Variants in TRAPPC11 observed in about 807,000 individuals in gnomAD.
TRAPPC11 encodes foie gras homolog.
In TRAPPC11, 104 loss-of-function variants were observed where a neutral mutation model predicts 151.2. The ratio of observed to expected loss-of-function variants is 0.69; its 90% CI spans 0.59 to 0.81. The LOEUF is 0.81. TRAPPC11 is among the 30% of genes least tolerant of loss of function. The pLI, the probability that TRAPPC11 is intolerant of heterozygous loss-of-function variation, is 0.00. For synonymous variants in TRAPPC11, 456 were observed against 472.3 expected (o/e 0.97, Z 0.45); for missense variants, 1,230 against 1,349.6 (o/e 0.91, Z 1.39).
chr4:183,692,904 G>C, intron 19 of TRAPPC11, 56 bp from the exon 20 acceptor site: 1 of 1,494,052 alleles, frequency 6.7e-7, no homozygotes, highest in Non-Finnish European at 9.1e-7. Flanking sequence ...GGTGAGAGGA[G>C]ATGGTGACAA....
intron 29 of TRAPPC11, among the ~76,000 whole-genome samples, chr4:183,711,898 C>G (rs974370799): frequency 3.9e-5 from 6 of 152,172 alleles, no homozygotes; most frequent in Admixed American, 2.6e-4. Flanking sequence ...CTAGCTATCC[C>G]TCTGGGATGT....
intron 15 of TRAPPC11, 42 bp from the exon 16 acceptor site, chr4:183,685,042 T>C (rs747884500): frequency 1.5e-5 from 23 of 1,579,432 alleles, no homozygotes; most frequent in Admixed American, 3.5e-5. Flanking sequence ...GTAGACTTAA[T>C]TATAAGTACT....
chr4:183,706,493 A>G (rs1737078108), intron 27 of TRAPPC11, among the ~76,000 whole-genome samples: 2 of 151,836 alleles, frequency 1.3e-5, no homozygotes, highest in South Asian at 4.2e-4. Context: ...ACTGCACTCC[A>G]GCCTGGGTGA....
At chr4:183,698,268 G>T (rs1172127367) in intron 25 of TRAPPC11, among the ~76,000 whole-genome samples, 2 of 152,098 alleles carry the variant, frequency 1.3e-5, no homozygotes, top group African/African-American at 4.8e-5. Context: ...AAAACAATTT[G>T]TAAGACTGAT....
chr4:183,677,946 T>C (rs1735493491), intron 8 of TRAPPC11, among the ~76,000 whole-genome samples: 2 of 151,826 alleles, frequency 1.3e-5, no homozygotes, highest in African/African-American at 4.8e-5. Flanking sequence ...GAAACTTTTT[T>C]TTTTTTTTTT....
chr4:183,665,386 G>T (rs934731283), intron 2 of TRAPPC11, among the ~76,000 whole-genome samples: 1 of 152,146 alleles, frequency 6.6e-6, no homozygotes, highest in African/African-American at 2.4e-5. Flanking sequence ...GAGCCACCGT[G>T]CCAGGCCTAC....
rs78032972 is a variant in TRAPPC11 at position 183,703,980 on chromosome 4, A to G, written c.2964-999A>G. On this transcript the variant is annotated intron_variant, in intron 26 of 29. Transcript: ENST00000334690. ...AAAGTGGTCTGGGGCCCACCTGTAA[A>G]CCATCCTCAGTGAGTTAAGGAATTT... Among the ~76,000 whole-genome samples, 24 of 152,284 alleles carry G rather than the reference A, an allele frequency of 1.6e-4. 1 individual carries two copies. In the East Asian group the frequency reaches 3.9e-3, roughly 24 times the overall value.
At chr4:183,686,295 C>T (rs1386784897) in intron 17 of TRAPPC11, among the ~76,000 whole-genome samples, 2 of 152,074 alleles carry the variant, frequency 1.3e-5, no homozygotes, top group Non-Finnish European at 2.9e-5. Flanking sequence ...CACCACCATG[C>T]CCGGCTAATT....
rs1263135209 is a variant in TRAPPC11 at position 183,708,405 on chromosome 4, A to G, written c.3190-2A>G. On this transcript the variant is annotated splice_acceptor_variant, in intron 28 of 29. Transcript: ENST00000334690. LOFTEE classifies it high-confidence loss of function. Reference sequence around the variant, plus strand: ...CTTTCTCTGTGACTTTTTATGATGCAGATTCGATTACGTATCCTCCCTGGC... The same window carrying G: ...CTTTCTCTGTGACTTTTTATGATGCGGATTCGATTACGTATCCTCCCTGGC... The G allele has an allele frequency of 6.2e-7, 1 of 1,611,156 alleles. No homozygotes were observed. The highest frequency in any genetic ancestry group is 2.2e-5 in the East Asian group (1 of 44,834).
At chr4:183,697,407 G>C in intron 23 of TRAPPC11, 96 bp from the exon 24 acceptor site, 1 of 1,116,370 alleles carries the variant, frequency 9.0e-7, no homozygotes, top group Non-Finnish European at 1.3e-6. Context: ...GTATAATTTG[G>C]GATTATTTAT....
In TRAPPC11 at chr4:183,701,565, C is replaced by A. The variant is rs1445917568; in HGVS notation, c.2852-132C>A. 9.5e-6 allele frequency: 6 copies of A among 629,416 alleles called. No homozygotes were observed. In the Admixed American group the frequency reaches 1.7e-4, roughly 17 times the overall value. 39.0% of individuals were successfully genotyped at this position (629,416 alleles called of 1,614,324 possible). On this transcript the variant is annotated intron_variant, in intron 25 of 29. Coordinates refer to ENST00000334690, the MANE Select transcript of TRAPPC11 (RefSeq NM_021942.6). The stretch of plus-strand genomic sequence containing the variant: ...AAAAAGTCATTTAACATCTCTGAAC[C>A]CTACTTTCTAAGTCTCTACAAGTAA...
intron 27 of TRAPPC11, among the ~76,000 whole-genome samples, chr4:183,705,625 C>T (rs1028243847): frequency 5.9e-5 from 9 of 152,136 alleles, no homozygotes; most frequent in African/African-American, 1.7e-4. Flanking sequence ...CTCCCCGCAT[C>T]TCTTCCTTGC....
At position 183,679,439 on chromosome 4, in the gene TRAPPC11, T is replaced by C. The variant is rs2111346233; in HGVS notation, c.918T>C (p.Ile306=). The part of the protein sequence containing the change: ...RKHIDLCKKK[I]GSAELSFEHD... ...ACATCGACTTGTGTAAGAAAAAGAT[T>C]GGAAGTGCAGAGCTGTCTTTTGAGC... Residue 306 remains isoleucine (I), a synonymous_variant, in exon 9 of 30, where the codon ATT becomes ATC. Transcript: ENST00000334690. 1 of 1,613,072 alleles carries C rather than the reference T, an allele frequency of 6.2e-7. No homozygotes were observed. The highest frequency in any genetic ancestry group is 1.7e-5 in the Admixed American group (1 of 59,870).
At chr4:183,681,688 G>A (rs1356741855) in intron 10 of TRAPPC11, among the ~76,000 whole-genome samples, 1 of 151,894 alleles carries the variant, frequency 6.6e-6, no homozygotes, top group African/African-American at 2.4e-5. Flanking sequence ...GCTGAGGCAG[G>A]AGAATGGCGT....
intron 7 of TRAPPC11, among the ~76,000 whole-genome samples, chr4:183,676,344 T>G (rs1357831845): frequency 6.6e-6 from 1 of 152,134 alleles, no homozygotes; most frequent in Non-Finnish European, 1.5e-5. Flanking sequence ...GAGACAGGGT[T>G]TCACCATGTT....
chr4:183,679,940 C>G (rs1056585676), intron 9 of TRAPPC11, among the ~76,000 whole-genome samples, 180 bp from the exon 10 acceptor site: 1 of 152,152 alleles, frequency 6.6e-6, no homozygotes, highest in Non-Finnish European at 1.5e-5. Flanking sequence ...TAGAACCTAT[C>G]TGTAACCTAC....
At chr4:183,677,724 A>G (rs981647894) in intron 8 of TRAPPC11, among the ~76,000 whole-genome samples, 170 bp downstream of exon 8, 1 of 152,088 alleles carries the variant, frequency 6.6e-6, no homozygotes, top group African/African-American at 2.4e-5. Flanking sequence ...TTAGCAGGCT[A>G]TTTATAGTAG....
At chr4:183,701,342 C>T (rs1252063935) in intron 25 of TRAPPC11, 1 of 170,230 alleles carries the variant, frequency 5.9e-6, no homozygotes, top group Non-Finnish European at 1.3e-5. Context: ...TTTTTCTCTA[C>T]CCCAAAGTGT....
chr4:183,703,913 GT>G (rs1273473724), intron 26 of TRAPPC11, among the ~76,000 whole-genome samples: 2 of 152,276 alleles, frequency 1.3e-5, no homozygotes, highest in East Asian at 3.9e-4. Flanking sequence ...TAGTTCTTCA[GT>G]TTCTACTGTA....
Sources: gnomAD v4.1 joint callset for allele counts (sites outside exome capture counted in the v4.1 genomes callset) on GRCh38, gnomAD v4.1.1 for gene constraint, MANE v1.5 for transcripts, NCBI Gene and HGNC (gene_info 2026-07-23, HGNC 2026-07-21) for gene names.